Variants in NWD2 observed in about 807,000 individuals in gnomAD.
NWD2 encodes NACHT and WD repeat domain-containing protein 2.
Under a neutral mutation model 132.7 loss-of-function variants are expected in NWD2, and 37 were observed. The ratio of observed to expected loss-of-function variants is 0.28; its 90% CI spans 0.21 to 0.37. The LOEUF is 0.37. Ranked by LOEUF, NWD2 falls within the 10% of genes least tolerant of loss-of-function variation. The probability of loss-of-function intolerance (pLI) is 1.00; values close to 1 mark genes in which losing one functional copy is unlikely to be tolerated. For missense variants in NWD2, 1,592 were observed against 2,122.4 expected, an observed-to-expected ratio of 0.75 and a Z score of 4.91; for synonymous variants, 705 against 803.0, an observed-to-expected ratio of 0.88 and a Z score of 2.06.
At chr4:37,406,802 A>T (rs1389787550) in intron 3 of NWD2, among the ~76,000 whole-genome samples, 1 of 152,214 alleles carries the variant, frequency 6.6e-6, no homozygotes, top group Non-Finnish European at 1.5e-5. Context: ...AGGCTGAGGC[A>T]GGAGAATTGT....
At chr4:37,275,038 C>G (rs988052399) in intron 1 of NWD2, among the ~76,000 whole-genome samples, 3 of 152,166 alleles carry the variant, frequency 2.0e-5, no homozygotes, top group African/African-American at 2.4e-5. Context: ...GATGCCCTCT[C>G]TCACCACTCC....
At chr4:37,302,093 C>A (rs1323541558) in intron 1 of NWD2, among the ~76,000 whole-genome samples, 1 of 151,680 alleles carries the variant, frequency 6.6e-6, no homozygotes, top group Non-Finnish European at 1.5e-5. Flanking sequence ...GTTTGTTAAC[C>A]AGCCTCTCTT....
At chr4:37,360,837 T>G (rs1305846515) in intron 3 of NWD2, among the ~76,000 whole-genome samples, 1 of 152,192 alleles carries the variant, frequency 6.6e-6, no homozygotes, top group East Asian at 1.9e-4. Flanking sequence ...GGTTTTCTTC[T>G]TGTCATCCCT....
At chr4:37,275,485 AAAATGGCCATACTGCCCAAGGTAATT>A (rs1717989392) in intron 1 of NWD2, among the ~76,000 whole-genome samples, 4 of 152,212 alleles carry the variant, frequency 2.6e-5, no homozygotes, top group African/African-American at 9.6e-5. Context: ...CAATATCGTG[AAAATGGCCATACTGCCCAAGGTAATT>A]TATAGATTCA....
intron 3 of NWD2, among the ~76,000 whole-genome samples, chr4:37,400,036 A>G (rs1333208225): frequency 1.3e-5 from 2 of 152,222 alleles, no homozygotes; most frequent in Admixed American, 6.5e-5. Flanking sequence ...AACTGGAGTT[A>G]AGATTGTAGA....
chr4:37,438,990 T>A lies in NWD2; in HGVS notation c.896T>A (p.Ile299Lys). 3 of 1,551,898 alleles carry A rather than the reference T, an allele frequency of 1.9e-6. No individual in the cohort carries two copies. The highest frequency in any genetic ancestry group is 1.2e-5 in the South Asian group (1 of 84,056). ...GACCCAGAAGCCCAAGAGAAGCTGA[T>A]AAAACTCAGGGATGAATTTATTCCT... The part of the protein sequence containing the change: ...IRDPEAQEKL[I>K]KLRDEFIPTI... Residue 299 changes from isoleucine to lysine, a missense_variant, in exon 6 of 7, where the codon ATA (isoleucine) becomes AAA (lysine). Physicochemically the swap from Ile to Lys is moderately radical, Grantham distance 102 (BLOSUM62 -3). Transcript: ENST00000309447.
At chr4:37,332,128 G>T (rs1475607604) in intron 2 of NWD2, among the ~76,000 whole-genome samples, 1 of 152,168 alleles carries the variant, frequency 6.6e-6, no homozygotes, top group Non-Finnish European at 1.5e-5. Context: ...CCAACTACTA[G>T]GCAAGTCCTG....
chr4:37,444,892 G>C lies in NWD2; in HGVS notation c.2904G>C (p.Leu968=). The C allele has an allele frequency of 6.4e-7, 1 of 1,552,254 alleles. No individual in the cohort carries two copies. Among genetic ancestry groups the C allele is most frequent in the Non-Finnish European group, 8.7e-7 (1 of 1,147,130 alleles). ...PERLPLSSSH[L]HVTEILPTCN... The stretch of plus-strand genomic sequence containing the variant: ...GTCTTCCCTTATCATCCAGTCACCT[G>C]CATGTCACAGAGATCCTGCCTACCT... Residue 968 remains leucine, a synonymous_variant, in exon 7 of 7, where the codon CTG becomes CTC. Coordinates refer to ENST00000309447, the MANE Select transcript of NWD2 (RefSeq NM_001144990.2). This position sits in a 1 kb window ranked among gnomAD's most constrained non-coding sequence, Gnocchi z 4.8.
chr4:37,316,806 C>G (rs899376203), intron 1 of NWD2, among the ~76,000 whole-genome samples: 1 of 152,072 alleles, frequency 6.6e-6, no homozygotes. Flanking sequence ...TTATTTATCC[C>G]TCTCATAAGT....
intron 3 of NWD2, among the ~76,000 whole-genome samples, chr4:37,371,680 AC>A (rs1720232617): frequency 6.6e-6 from 1 of 152,182 alleles, no homozygotes; most frequent in Non-Finnish European, 1.5e-5. Flanking sequence ...CAAGTGTTTC[AC>A]CCAATTCTCT....
intron 3 of NWD2, among the ~76,000 whole-genome samples, chr4:37,380,500 C>T (rs574862692): frequency 6.6e-6 from 1 of 152,178 alleles, no homozygotes; most frequent in Non-Finnish European, 1.5e-5. Flanking sequence ...ACTTACTATA[C>T]AATTTTTATG....
At chr4:37,263,280 A>G (rs1007984447) in intron 1 of NWD2, among the ~76,000 whole-genome samples, 2 of 152,174 alleles carry the variant, frequency 1.3e-5, no homozygotes, top group African/African-American at 4.8e-5. Context: ...CAAGAATCAT[A>G]CTGACTATTT....
At chr4:37,394,799 GTTTTTTTTTTTTTT>G (rs1175840735) in intron 3 of NWD2, among the ~76,000 whole-genome samples, 1 of 52,596 alleles carries the variant, frequency 1.9e-5, no homozygotes, top group Admixed American at 3.5e-4. Flanking sequence ...AACCTTTATG[GTTTTTTTTTTTTTT>G]TTTTTTTTTT....
At chr4:37,284,195 G>A (rs922026671) in intron 1 of NWD2, among the ~76,000 whole-genome samples, 4 of 152,066 alleles carry the variant, frequency 2.6e-5, no homozygotes, top group Admixed American at 1.3e-4. Flanking sequence ...GTGAGAGCTC[G>A]CTTTCTGGTT....
intron 4 of NWD2, among the ~76,000 whole-genome samples, chr4:37,432,333 T>A (rs1335342030): frequency 1.4e-5 from 2 of 146,204 alleles, no homozygotes; most frequent in Non-Finnish European, 3.0e-5. Flanking sequence ...TACAGATAAT[T>A]ACGTTGAATA....
At chr4:37,429,099 A>G (rs1712098385) in intron 3 of NWD2, among the ~76,000 whole-genome samples, 1 of 152,192 alleles carries the variant, frequency 6.6e-6, no homozygotes, top group Admixed American at 6.5e-5. Context: ...ATATATGTAT[A>G]CCAAAAAAAG....
At chr4:37,325,393 G>A (rs979763604) in intron 1 of NWD2, among the ~76,000 whole-genome samples, 11 of 152,124 alleles carry the variant, frequency 7.2e-5, no homozygotes, top group Non-Finnish European at 1.5e-4. Flanking sequence ...ATCTACAGTG[G>A]GTGGATCTGC....
At chr4:37,395,778 G>A (rs1720780154) in intron 3 of NWD2, among the ~76,000 whole-genome samples, 1 of 151,110 alleles carries the variant, frequency 6.6e-6, no homozygotes, top group African/African-American at 2.4e-5. Flanking sequence ...GGAAATAGAA[G>A]ACAAGGAGCA....
intron 3 of NWD2, among the ~76,000 whole-genome samples, chr4:37,412,318 A>T (rs940125754): frequency 1.1e-4 from 16 of 152,222 alleles, no homozygotes; most frequent in Non-Finnish European, 1.9e-4. Flanking sequence ...TGCAAAAATC[A>T]CAAGCATTCC....
Sources: allele counts gnomAD v4.1 joint callset (sites outside exome capture counted in the v4.1 genomes callset), GRCh38; gene constraint gnomAD v4.1.1; non-coding constraint Gnocchi (gnomAD v3.1); transcripts MANE v1.5; gene names NCBI Gene and HGNC (gene_info 2026-07-23, HGNC 2026-07-21).